Variants in ITGAM observed in about 807,000 individuals in gnomAD.
ITGAM encodes integrin alpha-M.
A neutral mutation model predicts 137.5 loss-of-function variants in ITGAM; 79 were observed. The ratio of observed to expected loss-of-function variants is 0.57; its 90% CI spans 0.48 to 0.69. ITGAM has a LOEUF of 0.69. Among genes scored for constraint, ITGAM ranks in the 30% least tolerant of loss-of-function variants. The probability of loss-of-function intolerance (pLI) is 0.00; values close to 1 mark genes in which losing one functional copy is unlikely to be tolerated. For missense variants in ITGAM, 1,343 were observed against 1,483.5 expected, an observed-to-expected ratio of 0.91 and a Z score of 1.56; for synonymous variants, 583 against 592.3, an observed-to-expected ratio of 0.98 and a Z score of 0.23.
chr16:31,305,609 T>G (rs943124690), intron 14 of ITGAM, among the ~76,000 whole-genome samples: 1 of 152,146 alleles, frequency 6.6e-6, no homozygotes, highest in Non-Finnish European at 1.5e-5. Flanking sequence ...GATAATGGCT[T>G]TTATTATTTT....
intron 22 of ITGAM, among the ~76,000 whole-genome samples, chr16:31,327,614 AATAAT>A (rs2080521312): frequency 1.3e-5 from 2 of 150,922 alleles, no homozygotes; most frequent in African/African-American, 4.9e-5. Context: ...TAATAATAAT[AATAAT>A]AAAAAATAAA....
intron 1 of ITGAM, among the ~76,000 whole-genome samples, chr16:31,261,415 C>T (rs949870074): frequency 1.3e-5 from 2 of 151,922 alleles, no homozygotes; most frequent in African/African-American, 4.8e-5. Flanking sequence ...CTCCTGAGCC[C>T]AGGTGATCCT....
At chr16:31,306,219 T>A (rs1233067061) in intron 14 of ITGAM, among the ~76,000 whole-genome samples, 1 of 152,202 alleles carries the variant, frequency 6.6e-6, no homozygotes. Flanking sequence ...GGCCATCCTT[T>A]TTCCTTGTGT....
At chr16:31,275,992 C>T (rs1167985569) in intron 9 of ITGAM, among the ~76,000 whole-genome samples, 2 of 152,134 alleles carry the variant, frequency 1.3e-5, no homozygotes, top group Non-Finnish European at 2.9e-5. Flanking sequence ...TGCCAGCTGT[C>T]GTCTGTTCGG....
chr16:31,302,031 A>C (rs531790862), intron 14 of ITGAM, among the ~76,000 whole-genome samples: 11 of 151,302 alleles, frequency 7.3e-5, no homozygotes, highest in East Asian at 3.9e-4. Flanking sequence ...TAACCCTGAC[A>C]AAAAAAAACC....
rs554474641 is a variant in ITGAM at position 31,310,683 on chromosome 16, C to T, written c.1708-10558C>T. ...GAGTAGTTTGATCTTCTGAAGCCTTCCTCTCTCAACTCGTCAAAGTGATTC... is the reference window on the plus strand; with the variant it reads ...GAGTAGTTTGATCTTCTGAAGCCTTTCTCTCTCAACTCGTCAAAGTGATTC... On this transcript the variant is annotated intron_variant, in intron 14 of 29. Coordinates refer to ENST00000544665, the MANE Select transcript of ITGAM (RefSeq NM_000632.4). Among the ~76,000 whole-genome samples the T allele has an allele frequency of 3.5e-3, 535 of 152,316 alleles. 6 individuals carry two copies. The highest frequency in any genetic ancestry group is 0.012 in the African/African-American group (510 of 41,570).
intron 14 of ITGAM, among the ~76,000 whole-genome samples, chr16:31,307,539 G>C (rs1054656456): frequency 1.4e-4 from 21 of 152,284 alleles, no homozygotes; most frequent in African/African-American, 4.3e-4. Context: ...AGCTTAAGGA[G>C]ATTTTGGGCT....
intron 12 of ITGAM, among the ~76,000 whole-genome samples, chr16:31,293,618 A>G (rs1212591563): frequency 6.6e-6 from 1 of 152,092 alleles, no homozygotes; most frequent in Non-Finnish European, 1.5e-5. Context: ...TACCAGTATC[A>G]TGCTGTTTTG....
chr16:31,296,882 T>C (rs1435777251), intron 12 of ITGAM, among the ~76,000 whole-genome samples: 1 of 152,230 alleles, frequency 6.6e-6, no homozygotes. Flanking sequence ...AGATATTTCT[T>C]AATATCACAA....
intron 23 of ITGAM, among the ~76,000 whole-genome samples, chr16:31,328,794 G>A (rs962459908): frequency 4.0e-4 from 6 of 15,178 alleles, no homozygotes; most frequent in African/African-American, 1.3e-3. Context: ...ATTTGTGCAT[G>A]TGTGTGTGTG....
intron 14 of ITGAM, among the ~76,000 whole-genome samples, chr16:31,319,158 G>A (rs1344439493): frequency 1.3e-5 from 2 of 151,792 alleles, no homozygotes; most frequent in African/African-American, 4.8e-5. Flanking sequence ...ATGTGCACTT[G>A]AGAAGAATGT....
chr16:31,300,540 G>C (rs2080187432), intron 14 of ITGAM, among the ~76,000 whole-genome samples: 2 of 152,154 alleles, frequency 1.3e-5, no homozygotes, highest in African/African-American at 4.8e-5. Flanking sequence ...GTGATGTTGA[G>C]CATCTTTTCA....
At chr16:31,284,516 C>T (rs914212214) in intron 12 of ITGAM, among the ~76,000 whole-genome samples, 6 of 152,176 alleles carry the variant, frequency 3.9e-5, no homozygotes, top group Non-Finnish European at 8.8e-5. Context: ...GGCGTGGGAC[C>T]CTCTGAGCCA....
intron 5 of ITGAM, among the ~76,000 whole-genome samples, chr16:31,267,058 G>A (rs1262638918): frequency 6.6e-6 from 1 of 151,972 alleles, no homozygotes; most frequent in Non-Finnish European, 1.5e-5. Context: ...AGCAGAGACG[G>A]GGTTTCACCA....
chr16:31,270,908 AC>A, intron 5 of ITGAM, 45 bp from the exon 6 acceptor site: 1 of 1,368,812 alleles, frequency 7.3e-7, no homozygotes. Context: ...AACCCAAAAC[AC>A]CAAGTGTCAA....
At chr16:31,265,084 ATC>A (rs2079749118) in intron 2 of ITGAM, among the ~76,000 whole-genome samples, 1 of 151,804 alleles carries the variant, frequency 6.6e-6, no homozygotes, top group Non-Finnish European at 1.5e-5. Flanking sequence ...GCCCAGGCTG[ATC>A]TTGAACTCCT....
rs1555472193 is a variant in ITGAM, at chr16:31,331,860, C to CATGTGTGCGA, written c.*153_*154insATGTGTGCGA. 3 of 609,502 alleles carry CATGTGTGCGA rather than the reference C, an allele frequency of 4.9e-6. No individual in the cohort carries two copies. The highest frequency in any genetic ancestry group is 3.8e-5 in the African/African-American group (2 of 53,258). 37.8% of individuals were successfully genotyped at this position (609,502 alleles called of 1,614,324 possible). A position where few individuals can be genotyped will look rare whatever the true frequency, so the allele number is the denominator to read the frequency against. ...TTGTGTGTGTGCAAGTGTGTATGTG[C>CATGTGTGCGA]GTGTGTGCAAGTGTCTGTGTGCAAG... is the stretch of plus-strand genomic sequence containing the variant. On this transcript the variant is annotated 3_prime_UTR_variant, in exon 30 of 30. Transcript: ENST00000544665.
chr16:31,330,374 T>C lies in ITGAM; in HGVS notation c.3127T>C (p.Phe1043Leu), dbSNP rs1293973674. The change falls in exon 27 of 30, where the codon TTC becomes CTC. Residue 1043 changes from phenylalanine (F) to leucine (L), a missense_variant. Coordinates refer to ENST00000544665, the MANE Select transcript of ITGAM (RefSeq NM_000632.4). ...DIPFFGIQEEFNATLKGNLSF... is the reference protein window; with the variant it reads ...DIPFFGIQEELNATLKGNLSF... ...CCCGTTCTTTGGCATCCAGGAAGAA[T>C]TCAATGCTACCCTCAAAGGCAACCT... is the stretch of plus-strand genomic sequence containing the variant. 20 of 1,613,882 alleles carry C rather than the reference T, an allele frequency of 1.2e-5. No individual in the cohort carries two copies. Among genetic ancestry groups the C allele is most frequent in the Middle Eastern group, 1.6e-4 (1 of 6,084 alleles).
chr16:31,330,569 C>T lies in ITGAM; in HGVS notation c.3240C>T (p.Thr1080=), dbSNP rs779058758. 1.1e-5 allele frequency: 17 copies of T among 1,612,908 alleles called. No homozygotes were observed. The South Asian group carries it at 1.4e-4, about 14-fold the overall frequency. Residue 1080 remains threonine (T), a synonymous_variant, in exon 28 of 30, where the codon ACC becomes ACT. Coordinates refer to ENST00000544665, the MANE Select transcript of ITGAM (RefSeq NM_000632.4). ...TCTTGTTTAACGATTCCGTGTTCAC[C>T]CTGCTGCCGGGACAGGGGGCGTTTG... ...AEILFNDSVF[T]LLPGQGAFVR... is the part of the protein sequence containing the mutation.
Sources: allele counts gnomAD v4.1 joint callset (sites outside exome capture counted in the v4.1 genomes callset), GRCh38; gene constraint gnomAD v4.1.1; transcripts MANE v1.5; gene names NCBI Gene and HGNC (gene_info 2026-07-23, HGNC 2026-07-21).